The following TEAD1 variants were observed in gnomAD, a reference collection of about 807,000 sequenced individuals.
TEAD1 encodes the protein transcriptional enhancer factor TEF-1.
TEAD1 carries 9 observed loss-of-function variants against 54.9 expected under a neutral mutation model. That is an observed-to-expected ratio of 0.16 (90% CI 0.10 to 0.29). The LOEUF (loss-of-function observed/expected upper bound fraction) is 0.29. Among genes scored for constraint, TEAD1 ranks in the 10% least tolerant of loss-of-function variants. The pLI is 1.00. For missense variants in TEAD1, 387 were observed against 535.9 expected, an observed-to-expected ratio of 0.72 and a Z score of 2.74; for synonymous variants, 200 against 187.8, an observed-to-expected ratio of 1.07 and a Z score of -0.53.
intron 3 of TEAD1, among the ~76,000 whole-genome samples, chr11:12,796,109 A>G (rs58473904): frequency 0.034 from 5,224 of 152,206 alleles, 322 homozygotes; most frequent in African/African-American, 0.12. Flanking sequence ...GGGCTAGTGT[A>G]CGGAATTTAT....
intron 3 of TEAD1, among the ~76,000 whole-genome samples, chr11:12,857,572 C>T (rs1023837277): frequency 3.2e-5 from 3 of 94,444 alleles, no homozygotes; most frequent in African/African-American, 1.1e-4. Flanking sequence ...CTCTCTCTCT[C>T]TGTCTCTGTG....
chr11:12,784,416 G>A (rs963236353), intron 3 of TEAD1, among the ~76,000 whole-genome samples: 1 of 152,144 alleles, frequency 6.6e-6, no homozygotes, highest in African/African-American at 2.4e-5. Context: ...ATCATCACAG[G>A]GTTTGGAGTT....
Position 12,912,694 on chromosome 11 carries a change from A to G in TEAD1, c.873+10581A>G, listed in dbSNP as rs547072275. On this transcript the variant is annotated intron_variant, in intron 10 of 12. Transcript: ENST00000527636. ...ATAGGATAGCTTGGAAAATGAGCAC[A>G]AGAGCTTACATTGCTTTTCCTCCCA... 6.6e-5 allele frequency among the ~76,000 whole-genome samples: 10 copies of G among 152,266 alleles called. No individual in the cohort carries two copies. The South Asian group carries it at 1.9e-3, about 28-fold the overall frequency.
At chr11:12,788,115 G>A (rs1179843243) in intron 3 of TEAD1, among the ~76,000 whole-genome samples, 1 of 150,514 alleles carries the variant, frequency 6.6e-6, no homozygotes, top group African/African-American at 2.5e-5. Context: ...ACAGGCACTC[G>A]CCACCATGCC....
At chr11:12,814,847 C>T (rs1281376643) in intron 3 of TEAD1, among the ~76,000 whole-genome samples, 1 of 137,438 alleles carries the variant, frequency 7.3e-6, no homozygotes, top group Non-Finnish European at 1.6e-5. Context: ...GTGTCCCCGT[C>T]CGTCCCGAGC....
At position 12,902,018 on chromosome 11, in the gene TEAD1, C is replaced by G; in HGVS notation, c.778C>G (p.Arg260Gly). ...CCCATTGCTTGAATCAGTGGACATT[C>G]GTCAGATTTATGACAAATTTCCTGA... Residue 260 changes from arginine (R) to glycine (G), a missense_variant, in exon 10 of 13, where the codon CGT becomes GGT. Arg to Gly is a moderately radical substitution (Grantham distance 125, BLOSUM62 -2). This residue lies in a region of TEAD1 where 180 missense variants were observed against 180.6 expected (regional missense o/e 1.00). Transcript: ENST00000527636. 6.2e-7 allele frequency: 1 copy of G among 1,614,204 alleles called. No individual in the cohort carries two copies. Among genetic ancestry groups the G allele is most frequent in the Non-Finnish European group, 8.5e-7 (1 of 1,180,036 alleles).
At chr11:12,895,387 G>A (rs142620631) in intron 9 of TEAD1, among the ~76,000 whole-genome samples, 19 of 152,306 alleles carry the variant, frequency 1.2e-4, no homozygotes, top group African/African-American at 4.1e-4. Context: ...CAGGTACTGC[G>A]TGGCATCCTT....
chr11:12,806,606 G>T (rs542208872), intron 3 of TEAD1, among the ~76,000 whole-genome samples: 34 of 152,248 alleles, frequency 2.2e-4, no homozygotes, highest in African/African-American at 8.2e-4. Flanking sequence ...CTCTGGCCGA[G>T]GTCTAAGGAC....
Position 12,894,042 on chromosome 11 carries a change from G to A in TEAD1, c.700-7898G>A, listed in dbSNP as rs1021733389. On this transcript the variant is annotated intron_variant, in intron 9 of 12. Transcript: ENST00000527636. ...GTGGACAGACATTCCAGGCAGGACC[G>A]TGACAAGAAGTAAATGTAGGTGATT... 5.9e-5 allele frequency among the ~76,000 whole-genome samples: 9 copies of A among 152,276 alleles called. No homozygotes were observed. The East Asian group carries it at 1.5e-3, about 26-fold the overall frequency.
At chr11:12,825,020 C>T (rs976703835) in intron 3 of TEAD1, among the ~76,000 whole-genome samples, 2 of 152,176 alleles carry the variant, frequency 1.3e-5, no homozygotes, top group African/African-American at 2.4e-5. Flanking sequence ...AACACACACT[C>T]ATTTTTTAAA....
chr11:12,934,907 G>A (rs745619611), intron 12 of TEAD1, among the ~76,000 whole-genome samples: 7 of 152,012 alleles, frequency 4.6e-5, no homozygotes, highest in Non-Finnish European at 5.9e-5. Context: ...TAGTGTACTC[G>A]TGAAACAGGT....
intron 2 of TEAD1, among the ~76,000 whole-genome samples, chr11:12,742,565 AAG>A (rs772077917): frequency 6.6e-6 from 1 of 152,164 alleles, no homozygotes; most frequent in Admixed American, 6.5e-5. Flanking sequence ...AAATGGCAAA[AAG>A]AAGAATTTAA....
intron 2 of TEAD1, among the ~76,000 whole-genome samples, chr11:12,704,091 G>A (rs1943763124): frequency 6.6e-6 from 1 of 152,162 alleles, no homozygotes; most frequent in Non-Finnish European, 1.5e-5. Flanking sequence ...TTCTTTTTAT[G>A]GTTATGTTTA....
chr11:12,898,487 T>C (rs1948358362), intron 9 of TEAD1, among the ~76,000 whole-genome samples: 1 of 151,700 alleles, frequency 6.6e-6, no homozygotes, highest in Non-Finnish European at 1.5e-5. Context: ...CTCCGTCTCC[T>C]GGGTTCAAGC....
intron 3 of TEAD1, among the ~76,000 whole-genome samples, chr11:12,799,258 A>G (rs546368997): frequency 6.6e-6 from 1 of 152,238 alleles, no homozygotes; most frequent in East Asian, 1.9e-4. Context: ...ATTGAGTGGT[A>G]TGTTTTCATT....
intron 3 of TEAD1, among the ~76,000 whole-genome samples, chr11:12,827,813 C>T (rs545591566): frequency 2.0e-5 from 3 of 152,328 alleles, no homozygotes; most frequent in East Asian, 1.9e-4. Flanking sequence ...TTACTCCTTG[C>T]TTCCCTCTAC....
At chr11:12,679,152 G>A (rs1331693114) in intron 2 of TEAD1, among the ~76,000 whole-genome samples, 2 of 152,054 alleles carry the variant, frequency 1.3e-5, no homozygotes, top group Non-Finnish European at 2.9e-5. Flanking sequence ...GTGGGGAGTA[G>A]GGGGAAGGTC....
Position 12,739,922 on chromosome 11 carries a change from G to A in TEAD1, c.-54-24257G>A, listed in dbSNP as rs1590102806. 2.0e-5 allele frequency among the ~76,000 whole-genome samples: 3 copies of A among 152,268 alleles called. No homozygotes were observed. The South Asian group carries it at 6.2e-4, about 32-fold the overall frequency. On this transcript the variant is annotated intron_variant, in intron 2 of 12. Transcript: ENST00000527636. ...GTAGTTGTATGTATAAAGTACTGTGGGACTTAACAGGTAACACAAACAAAA... is the reference window on the plus strand; with the variant it reads ...GTAGTTGTATGTATAAAGTACTGTGAGACTTAACAGGTAACACAAACAAAA...
intron 10 of TEAD1, among the ~76,000 whole-genome samples, chr11:12,906,950 G>T (rs969448980): frequency 6.6e-6 from 1 of 152,158 alleles, no homozygotes; most frequent in African/African-American, 2.4e-5. Context: ...ATGAATAATG[G>T]TGCTATCGAG....
Sources: allele counts gnomAD v4.1 joint callset (sites outside exome capture counted in the v4.1 genomes callset), GRCh38; gene constraint gnomAD v4.1.1; regional missense constraint gnomAD v4.1.1; transcripts MANE v1.5; gene names NCBI Gene and HGNC (gene_info 2026-07-23, HGNC 2026-07-21).